The following ANKS1B variants were observed in gnomAD, a reference collection of about 807,000 sequenced individuals.
ANKS1B encodes ankyrin repeat and sterile alpha motif domain containing 1B.
Under a neutral mutation model 148.3 loss-of-function variants are expected in ANKS1B, and 36 were observed. The ratio of observed to expected loss-of-function variants is 0.24; its 90% confidence interval spans 0.19 to 0.32. The LOEUF (loss-of-function observed/expected upper bound fraction) is 0.32, where lower values mean the gene tolerates loss of function less well. Ranked by LOEUF, ANKS1B falls within the 10% of genes least tolerant of loss-of-function variation. The pLI, the probability that ANKS1B is intolerant of heterozygous loss-of-function variation, is 1.00. For synonymous variants in ANKS1B, 542 were observed against 560.8 expected (o/e 0.97, Z 0.47); for missense variants, 1,157 against 1,542.6 (o/e 0.75, Z 4.19).
intron 14 of ANKS1B, among the ~76,000 whole-genome samples, chr12:99,207,526 A>C (rs2082830131): frequency 6.6e-6 from 1 of 152,120 alleles, no homozygotes; most frequent in African/African-American, 2.4e-5. Flanking sequence ...GTAAACATGA[A>C]AAAATTGTTA....
At chr12:99,163,467 C>CTGTGTGTGTGTGTG (rs146637164) in intron 14 of ANKS1B, among the ~76,000 whole-genome samples, 228 of 135,106 alleles carry the variant, frequency 1.7e-3, no homozygotes, top group African/African-American at 6.0e-3. Context: ...TACATGCACT[C>CTGTGTGTGTGTGTG]TGTGTGTGTG....
rs1325473176 is a variant in ANKS1B, at chr12:99,984,432, G to A, written c.-195C>T. ...CTCTTCGGGGCGCAGCTTTTACAAT[G>A]GGGATCAGACCATGTCTTGAAAGAG... is the stretch of plus-strand genomic sequence containing the variant. On this transcript the variant is annotated 5_prime_UTR_variant, in exon 1 of 27. Transcript: ENST00000683438. 12 of 534,912 alleles carry A rather than the reference G, an allele frequency of 2.2e-5. No homozygotes were observed. Among genetic ancestry groups the A allele is most frequent in the Non-Finnish European group, 2.0e-5 (6 of 304,074 alleles). 33.1% of individuals were successfully genotyped at this position (534,912 alleles called of 1,614,324 possible). A position where few individuals can be genotyped will look rare whatever the true frequency, so the allele number is the denominator to read the frequency against.
intron 12 of ANKS1B, among the ~76,000 whole-genome samples, chr12:99,323,861 C>T (rs538486655): frequency 3.9e-5 from 6 of 152,186 alleles, no homozygotes; most frequent in African/African-American, 1.4e-4. Context: ...GAGACTCAAG[C>T]GATTTAAATT....
chr12:99,212,534 T>C (rs573729471), intron 14 of ANKS1B, among the ~76,000 whole-genome samples: 1 of 152,354 alleles, frequency 6.6e-6, no homozygotes, highest in Admixed American at 6.5e-5. Flanking sequence ...GTCTGGTCCA[T>C]GTTTGTTCAA....
intron 16 of ANKS1B, among the ~76,000 whole-genome samples, chr12:99,084,119 C>A (rs967666419): frequency 6.6e-6 from 1 of 152,108 alleles, no homozygotes; most frequent in Non-Finnish European, 1.5e-5. Context: ...ACTATAAATA[C>A]ATGATGGGGA....
intron 8 of ANKS1B, among the ~76,000 whole-genome samples, chr12:99,759,835 A>T (rs1336371064): frequency 6.6e-6 from 1 of 151,980 alleles, no homozygotes; most frequent in Non-Finnish European, 1.5e-5. Flanking sequence ...CATTTTCAGG[A>T]AAACATTACA....
chr12:99,455,235 C>G (rs1362942279), intron 10 of ANKS1B, among the ~76,000 whole-genome samples: 1 of 152,152 alleles, frequency 6.6e-6, no homozygotes, highest in Non-Finnish European at 1.5e-5. Context: ...AGGCCAGAAC[C>G]CCTACTAAGT....
At chr12:98,897,754 G>A (rs1445911783) in intron 17 of ANKS1B, among the ~76,000 whole-genome samples, 1 of 152,158 alleles carries the variant, frequency 6.6e-6, no homozygotes, top group African/African-American at 2.4e-5. Flanking sequence ...ATATCAAGAA[G>A]ACACCTGCAC....
At chr12:98,983,315 G>A (rs1353510250) in intron 17 of ANKS1B, among the ~76,000 whole-genome samples, 1 of 152,118 alleles carries the variant, frequency 6.6e-6, no homozygotes, top group Non-Finnish European at 1.5e-5. Context: ...TAGCTGCTAA[G>A]GACCACTCTC....
chr12:98,803,427 T>C (rs958486522), intron 20 of ANKS1B, among the ~76,000 whole-genome samples: 1 of 152,164 alleles, frequency 6.6e-6, no homozygotes, highest in Non-Finnish European at 1.5e-5. Context: ...AAACAGGTAT[T>C]GTACATTTAA....
At chr12:99,083,391 T>C (rs1373394747) in intron 16 of ANKS1B, among the ~76,000 whole-genome samples, 1 of 152,060 alleles carries the variant, frequency 6.6e-6, no homozygotes, top group African/African-American at 2.4e-5. Context: ...ACTTCAACTT[T>C]CCCTCCTTCT....
intron 16 of ANKS1B, among the ~76,000 whole-genome samples, chr12:99,068,667 G>T (rs911527470): frequency 6.6e-6 from 1 of 150,928 alleles, no homozygotes; most frequent in African/African-American, 2.4e-5. Context: ...GTACATGTTT[G>T]TCAGAGAGAG....
Position 99,710,951 on chromosome 12 carries a change from T to A in ANKS1B, c.1129-55741A>T, listed in dbSNP as rs571613458. On this transcript the variant is annotated intron_variant, in intron 8 of 26. Coordinates refer to ENST00000683438, the MANE Select transcript of ANKS1B (RefSeq NM_001352186.2). ...TGTGTTAATTCCTTTTTTTAAATAA[T>A]CTCTCAACTCCTCCTATCACCCAGG... 1.6e-4 allele frequency among the ~76,000 whole-genome samples: 24 copies of A among 152,122 alleles called. No homozygotes were observed. In the South Asian group the frequency reaches 5.0e-3, roughly 32 times the overall value.
At chr12:99,857,530 A>T (rs2089353539) in intron 1 of ANKS1B, among the ~76,000 whole-genome samples, 1 of 152,170 alleles carries the variant, frequency 6.6e-6, no homozygotes, top group Non-Finnish European at 1.5e-5. Context: ...CAGAACTAAA[A>T]GAAAATCCTA....
intron 12 of ANKS1B, among the ~76,000 whole-genome samples, chr12:99,394,450 C>T (rs1266603156): frequency 6.6e-6 from 1 of 152,120 alleles, no homozygotes; most frequent in East Asian, 1.9e-4. Flanking sequence ...GTCCTCTCCT[C>T]CCTTTCTCCC....
intron 17 of ANKS1B, among the ~76,000 whole-genome samples, chr12:98,984,956 A>G (rs2099922382): frequency 6.6e-6 from 1 of 152,186 alleles, no homozygotes; most frequent in African/African-American, 2.4e-5. Context: ...GGCTGCAGTG[A>G]ACTATGATTG....
At chr12:99,321,194 A>G (rs2085195707) in intron 12 of ANKS1B, among the ~76,000 whole-genome samples, 1 of 152,144 alleles carries the variant, frequency 6.6e-6, no homozygotes. Context: ...CTCCGATTTC[A>G]AACTCTGTGC....
intron 17 of ANKS1B, among the ~76,000 whole-genome samples, chr12:98,983,925 C>T (rs1475224416): frequency 6.6e-6 from 1 of 152,194 alleles, no homozygotes; most frequent in African/African-American, 2.4e-5. Context: ...ATAGTTTTAT[C>T]TCCCTGCTTC....
intron 9 of ANKS1B, among the ~76,000 whole-genome samples, chr12:99,586,192 A>G (rs2097637849): frequency 6.6e-6 from 1 of 152,114 alleles, no homozygotes. Context: ...CATCCAAGTC[A>G]CCTCTTGAAC....
Sources: allele counts gnomAD v4.1 joint callset (sites outside exome capture counted in the v4.1 genomes callset), GRCh38; gene constraint gnomAD v4.1.1; transcripts MANE v1.5; gene names NCBI Gene and HGNC (gene_info 2026-07-23, HGNC 2026-07-21).